Variants in ATRN observed in about 807,000 individuals in gnomAD.
ATRN encodes the protein attractin-2.
Under a neutral mutation model 178.7 loss-of-function variants are expected in ATRN, and 54 were observed. That is an observed-to-expected ratio of 0.30 (90% CI 0.24 to 0.38). ATRN has a LOEUF of 0.38. Ranked by LOEUF, ATRN falls within the 10% of genes least tolerant of loss-of-function variation. The probability of loss-of-function intolerance (pLI) is 1.00; values close to 1 mark genes in which losing one functional copy is unlikely to be tolerated. For missense variants in ATRN, 1,443 were observed against 1,815.1 expected, an observed-to-expected ratio of 0.79 and a Z score of 3.73; for synonymous variants, 636 against 663.0, an observed-to-expected ratio of 0.96 and a Z score of 0.63.
chr20:3,623,637 T>C (rs527325261), intron 24 of ATRN, among the ~76,000 whole-genome samples: 4 of 152,242 alleles, frequency 2.6e-5, no homozygotes, highest in South Asian at 2.1e-4. Flanking sequence ...AATTGTTTCG[T>C]TTATAGTACC....
chr20:3,540,222 G>C lies in ATRN; in HGVS notation c.495G>C (p.Gln165His). The change falls in exon 3 of 29, where the codon CAG (glutamine) becomes CAC (histidine). Residue 165 changes from glutamine to histidine, a missense_variant and splice_region_variant. Around this residue, in one of 4 missense-constraint regions of ATRN, gnomAD observed 862 missense variants for 972.1 expected, o/e 0.89. Coordinates refer to ENST00000262919, the MANE Select transcript of ATRN (RefSeq NM_139321.3). ...KTKCTWLIEG[Q>H]PNRIMRLRFN... is the part of the protein sequence containing the mutation. The stretch of plus-strand genomic sequence containing the variant: ...AAATTACTTTTTTTATTCTTTTCAG[G>C]CCAAATAGAATAATGAGACTTCGTT... The C allele has an allele frequency of 6.4e-7, 1 of 1,552,722 alleles. No individual in the cohort carries two copies. Among genetic ancestry groups the C allele is most frequent in the Non-Finnish European group, 8.8e-7 (1 of 1,139,114 alleles).
chr20:3,471,632 C>T (rs2084425195), intron 1 of ATRN, 115 bp downstream of exon 1: 3 of 1,293,904 alleles, frequency 2.3e-6, no homozygotes, highest in South Asian at 2.0e-5. Flanking sequence ...GAGGGTAGGG[C>T]CGCCCTATGG....
chr20:3,471,804 C>T (rs2084430185), intron 1 of ATRN, among the ~76,000 whole-genome samples: 1 of 152,176 alleles, frequency 6.6e-6, no homozygotes, highest in East Asian at 1.9e-4. Flanking sequence ...CAAAGAGCAT[C>T]AAAGCCGATC....
intron 1 of ATRN, among the ~76,000 whole-genome samples, chr20:3,498,060 G>A (rs2084905976): frequency 6.6e-6 from 1 of 152,080 alleles, no homozygotes; most frequent in Non-Finnish European, 1.5e-5. Flanking sequence ...ACACCTCTAC[G>A]CAAATAAACT....
At chr20:3,563,509 C>A in intron 10 of ATRN, 146 bp downstream of exon 10, 1 of 812,856 alleles carries the variant, frequency 1.2e-6, no homozygotes, top group South Asian at 2.3e-5. Context: ...ATTCATTTGA[C>A]TAATGTTACA....
intron 18 of ATRN, among the ~76,000 whole-genome samples, chr20:3,586,353 GC>G (rs1471743616): frequency 1.3e-5 from 2 of 152,116 alleles, no homozygotes; most frequent in Non-Finnish European, 2.9e-5. Context: ...GTTGCATGAT[GC>G]CATTTATATG....
chr20:3,484,213 C>T (rs937705819), intron 1 of ATRN, among the ~76,000 whole-genome samples: 3 of 151,244 alleles, frequency 2.0e-5, no homozygotes, highest in African/African-American at 2.4e-5. Context: ...CACACTACTG[C>T]ATTCTATCCT....
chr20:3,512,549 G>A (rs2085149864), intron 1 of ATRN, among the ~76,000 whole-genome samples: 1 of 152,142 alleles, frequency 6.6e-6, no homozygotes, highest in South Asian at 2.1e-4. Context: ...GCTATTGTGA[G>A]TAGTGCCTCA....
At chr20:3,485,738 C>T (rs532575068) in intron 1 of ATRN, among the ~76,000 whole-genome samples, 2 of 148,678 alleles carry the variant, frequency 1.3e-5, no homozygotes, top group East Asian at 4.1e-4. Flanking sequence ...TCTCCTGCCT[C>T]AGCCTCCCAA....
chr20:3,562,570 C>G (rs1346780627), intron 9 of ATRN, 111 bp downstream of exon 9: 25 of 1,078,242 alleles, frequency 2.3e-5, no homozygotes, highest in Non-Finnish European at 2.7e-5. Context: ...TAATTCTGTT[C>G]GGCATTATAT....
At position 3,626,231 on chromosome 20, in the gene ATRN, C is replaced by CA. The variant is rs3084195; in HGVS notation, c.3863+1679dup. On this transcript the variant is annotated intron_variant, in intron 25 of 28. Transcript: ENST00000262919. ...TGGGTGACAGAGTGAGACCCTGTCT[C>CA]AAAAAAAAAAAAAAAAAAAAGTCTG... 3.1e-3 allele frequency among the ~76,000 whole-genome samples: 307 copies of CA among 99,378 alleles called. 2 individuals are homozygous for CA. Among genetic ancestry groups the CA allele is most frequent in the African/African-American group, 6.3e-3 (167 of 26,340 alleles). The allele number at this position is 99,378 out of a possible 152,430, so 65.2% of individuals were successfully genotyped here.
chr20:3,508,973 C>T, intron 1 of ATRN, among the ~76,000 whole-genome samples: 1 of 150,100 alleles, frequency 6.7e-6, no homozygotes, highest in South Asian at 2.1e-4. Context: ...AAGGTAATAG[C>T]AAAATAAAAG....
intron 24 of ATRN, among the ~76,000 whole-genome samples, chr20:3,623,222 T>A (rs2086910681): frequency 6.6e-6 from 1 of 152,230 alleles, no homozygotes; most frequent in African/African-American, 2.4e-5. Context: ...ATGGCTCATA[T>A]TCCGCAGCTT....
rs1487596786 is a variant in ATRN, at chr20:3,471,115, C to T, written c.8C>T (p.Ala3Val). The T allele has an allele frequency of 6.6e-7, 1 of 1,510,460 alleles. No individual in the cohort carries two copies. Among genetic ancestry groups the T allele is most frequent in the Non-Finnish European group, 8.8e-7 (1 of 1,135,976 alleles). The allele number at this position is 1,510,460 out of a possible 1,614,324, so 93.6% of individuals were successfully genotyped here. Residue 3 changes from alanine (A) to valine (V), a missense_variant, in exon 1 of 29, where the codon GCT (alanine) becomes GTT (valine). Transcript: ENST00000262919. MV[A>V]AAAATEARLR... ...CGTCTCAGCCCCGGGAAGATGGTGG[C>T]TGCAGCGGCGGCAACTGAGGCAAGG...
chr20:3,615,620 A>G (rs1005085379), intron 24 of ATRN, among the ~76,000 whole-genome samples: 1 of 140,800 alleles, frequency 7.1e-6, no homozygotes, highest in African/African-American at 2.7e-5. Context: ...CAGTGGTGCA[A>G]TCTTGGCTCG....
intron 1 of ATRN, among the ~76,000 whole-genome samples, chr20:3,518,083 T>C (rs1473078467): frequency 1.3e-5 from 2 of 152,378 alleles, no homozygotes; most frequent in East Asian, 3.9e-4. Flanking sequence ...GTTCTGTACA[T>C]ACAAGCAACT....
chr20:3,521,796 G>C (rs78633305), intron 1 of ATRN, among the ~76,000 whole-genome samples: 1,703 of 152,182 alleles, frequency 0.011, 33 homozygotes, highest in African/African-American at 0.039. Flanking sequence ...CATGTGTTCT[G>C]TTTTGAAGAC....
intron 16 of ATRN, among the ~76,000 whole-genome samples, chr20:3,583,132 A>G (rs1293673205): frequency 6.6e-6 from 1 of 152,208 alleles, no homozygotes; most frequent in Non-Finnish European, 1.5e-5. Context: ...AGCATTGTAG[A>G]TTTCTAAATA....
At chr20:3,643,593 C>T (rs1045333665) in intron 27 of ATRN, among the ~76,000 whole-genome samples, 9 of 151,972 alleles carry the variant, frequency 5.9e-5, no homozygotes, top group African/African-American at 2.2e-4. Context: ...AAGATGAAAA[C>T]ATATTTTCCA....
Sources: allele counts gnomAD v4.1 joint callset (sites outside exome capture counted in the v4.1 genomes callset), GRCh38; gene constraint gnomAD v4.1.1; regional missense constraint gnomAD v4.1.1; transcripts MANE v1.5; gene names NCBI Gene and HGNC (gene_info 2026-07-23, HGNC 2026-07-21).